EFEMP1: variants seen among roughly 807,000 people sequenced by gnomAD.
EFEMP1 encodes EGF-containing fibulin-like extracellular matrix protein 1.
EFEMP1 carries 18 observed loss-of-function variants against 65.7 expected under a neutral mutation model. The ratio of observed to expected loss-of-function variants is 0.27; its 90% confidence interval spans 0.19 to 0.41. The LOEUF (loss-of-function observed/expected upper bound fraction) is 0.41. Among genes scored for constraint, EFEMP1 ranks in the 10% least tolerant of loss-of-function variants. The pLI is 1.00. For missense variants in EFEMP1, 469 were observed against 624.8 expected (o/e 0.75, Z 2.66); for synonymous variants, 237 against 219.7 (o/e 1.08, Z -0.70).
chr2:55,903,736 C>A (rs1307371521), intron 5 of EFEMP1, among the ~76,000 whole-genome samples: 1 of 152,068 alleles, frequency 6.6e-6, no homozygotes, highest in East Asian at 1.9e-4. Context: ...TTTCTATTTT[C>A]CTTCATCAGT....
chr2:55,920,130 G>A (rs1247890651), intron 3 of EFEMP1, among the ~76,000 whole-genome samples: 1 of 152,108 alleles, frequency 6.6e-6, no homozygotes, highest in African/African-American at 2.4e-5. Flanking sequence ...TTGGTCTCAG[G>A]TGCTTTCAGC....
Position 55,917,578 on chromosome 2 carries a change from G to A in EFEMP1, c.517+87C>T. The A allele has an allele frequency of 1.3e-6, 2 of 1,551,244 alleles. No individual in the cohort carries two copies. The highest frequency in any genetic ancestry group is 2.2e-5 in the South Asian group (2 of 89,048). ...ACTTAGCATGATGTCTGGCACGCGAGAAGTCCTTAATAAATTATCATCATC... is the reference window on the plus strand; with the variant it reads ...ACTTAGCATGATGTCTGGCACGCGAAAAGTCCTTAATAAATTATCATCATC... On this transcript the variant is annotated intron_variant, in intron 5 of 11. Coordinates refer to ENST00000355426, the MANE Select transcript of EFEMP1 (RefSeq NM_001039348.3). This position sits in a 1 kb window ranked among gnomAD's most constrained non-coding sequence, Gnocchi z 6.3.
chr2:55,923,214 T>C lies in EFEMP1; in HGVS notation c.-48-275A>G, dbSNP rs17278890. ...TTATCAGTCTGGGTCCCCGACACGC[T>C]ACCTTCGGTTTCAGGCTGCCTAGGA... On this transcript the variant is annotated intron_variant, in intron 1 of 11. Transcript: ENST00000355426. This position sits in a 1 kb window ranked among gnomAD's most constrained non-coding sequence, Gnocchi z 5.3. 0.053 allele frequency among the ~76,000 whole-genome samples: 8,092 copies of C among 152,234 alleles called. 305 individuals carry two copies. The highest frequency in any genetic ancestry group is 0.11 in the Middle Eastern group (32 of 294).
chr2:55,911,374 T>C (rs1670477966), intron 5 of EFEMP1, among the ~76,000 whole-genome samples: 1 of 152,114 alleles, frequency 6.6e-6, no homozygotes, highest in South Asian at 2.1e-4. Context: ...TGCCCTCTGA[T>C]TTATATAGCA....
chr2:55,890,027 A>G (rs1202336650), intron 5 of EFEMP1, among the ~76,000 whole-genome samples: 1 of 152,064 alleles, frequency 6.6e-6, no homozygotes, highest in Non-Finnish European at 1.5e-5. Flanking sequence ...TGCACTCACT[A>G]AAAACCAAAA....
intron 5 of EFEMP1, among the ~76,000 whole-genome samples, chr2:55,904,985 C>CTTTTTTTT (rs1168768201): frequency 6.5e-4 from 15 of 23,186 alleles, no homozygotes; most frequent in South Asian, 4.3e-3. Context: ...TTTTCTTTTT[C>CTTTTTTTT]TTTTTTTTTT....
chr2:55,870,634 T>C lies in EFEMP1; in HGVS notation c.1320+86A>G. The C allele has an allele frequency of 6.5e-7, 1 of 1,532,056 alleles. No individual in the cohort carries two copies. Among genetic ancestry groups the C allele is most frequent in the Non-Finnish European group, 9.0e-7 (1 of 1,111,972 alleles). 94.9% of individuals were successfully genotyped at this position (1,532,056 alleles called of 1,614,324 possible). On this transcript the variant is annotated intron_variant, in intron 11 of 11. Coordinates refer to ENST00000355426, the MANE Select transcript of EFEMP1 (RefSeq NM_001039348.3). The surrounding 1 kb of genome is among the most constrained non-coding windows in gnomAD (Gnocchi z 5.8). ...TAAATGTTTGCTTTCCTTCCACATG[T>C]GGATACCACACAACAACAACAACAA...
Position 55,873,125 on chromosome 2 carries a change from GA to G in EFEMP1, c.1000+1820del, listed in dbSNP as rs1384511280. Reference sequence around the variant, plus strand: ...ACAGTTTTCATTTGTATAGGCCTGTGAAATGAGAACAGTTATTTCATCCACA... The same window carrying G: ...ACAGTTTTCATTTGTATAGGCCTGTGAATGAGAACAGTTATTTCATCCACA... On this transcript the variant is annotated intron_variant, in intron 9 of 11. Coordinates refer to ENST00000355426, the MANE Select transcript of EFEMP1 (RefSeq NM_001039348.3). This position sits in a 1 kb window ranked among gnomAD's most constrained non-coding sequence, Gnocchi z 4.6. Among the ~76,000 whole-genome samples, 1 of 148,522 alleles carries G rather than the reference GA, an allele frequency of 6.7e-6. No individual in the cohort carries two copies. Among genetic ancestry groups the G allele is most frequent in the African/African-American group, 2.5e-5 (1 of 39,874 alleles).
chr2:55,882,047 C>T (rs1669261720), intron 5 of EFEMP1, among the ~76,000 whole-genome samples: 1 of 152,104 alleles, frequency 6.6e-6, no homozygotes, highest in African/African-American at 2.4e-5. Flanking sequence ...CCATCAGCTA[C>T]CACTGTCTCG....
chr2:55,893,495 G>A (rs563711305), intron 5 of EFEMP1, among the ~76,000 whole-genome samples: 23 of 152,220 alleles, frequency 1.5e-4, no homozygotes, highest in Non-Finnish European at 2.5e-4. Flanking sequence ...GCAACATCAC[G>A]TTTTAGTTAT....
chr2:55,889,193 T>C (rs1669543308), intron 5 of EFEMP1, among the ~76,000 whole-genome samples: 1 of 152,232 alleles, frequency 6.6e-6, no homozygotes, highest in African/African-American at 2.4e-5. Flanking sequence ...ACTATGGCAG[T>C]GCCAATTATA....
chr2:55,880,088 C>T (rs1174828016), intron 6 of EFEMP1, among the ~76,000 whole-genome samples: 1 of 151,952 alleles, frequency 6.6e-6, no homozygotes, highest in Non-Finnish European at 1.5e-5. Flanking sequence ...CACTGTGTGA[C>T]GTGTGTGGGG....
In EFEMP1 at chr2:55,885,051, T is replaced by A. The variant is rs569561960; in HGVS notation, c.518-3317A>T. On this transcript the variant is annotated intron_variant, in intron 5 of 11. Transcript: ENST00000355426. This position sits in a 1 kb window ranked among gnomAD's most constrained non-coding sequence, Gnocchi z 4.3. ...GTATGAAGCAGAGTAACAAGGTATA[T>A]CTGAGAAACACAGCAAAATCAGTAA... Among the ~76,000 whole-genome samples the A allele has an allele frequency of 6.6e-6, 1 of 152,194 alleles. No homozygotes were observed. The highest frequency in any genetic ancestry group is 2.1e-4 in the South Asian group (1 of 4,832).
chr2:55,884,344 G>A (rs946565744), intron 5 of EFEMP1, among the ~76,000 whole-genome samples: 4 of 152,186 alleles, frequency 2.6e-5, no homozygotes, highest in African/African-American at 7.2e-5. Context: ...GTTAAATTCC[G>A]TTATGTTTGG....
At chr2:55,894,874 G>A (rs1390766273) in intron 5 of EFEMP1, among the ~76,000 whole-genome samples, 1 of 152,180 alleles carries the variant, frequency 6.6e-6, no homozygotes, top group African/African-American at 2.4e-5. Context: ...GATGAATCAC[G>A]TGGCTAGGCT....
Position 55,867,307 on chromosome 2 carries a change from ACCTCCT to A in EFEMP1, c.1321-79_1321-74del. ...TGGAGTTTCTATGCTTTGTTAGTAT[ACCTCCT>A]ATAAGAATTAGGGGGAGAATTTTGA... On this transcript the variant is annotated intron_variant, in intron 11 of 11. Coordinates refer to ENST00000355426, the MANE Select transcript of EFEMP1 (RefSeq NM_001039348.3). The surrounding 1 kb of genome is among the most constrained non-coding windows in gnomAD (Gnocchi z 4.3). 6.6e-7 allele frequency: 1 copy of A among 1,507,946 alleles called. No homozygotes were observed. Among genetic ancestry groups the A allele is most frequent in the Non-Finnish European group, 9.0e-7 (1 of 1,107,190 alleles). 93.4% of individuals were successfully genotyped at this position (1,507,946 alleles called of 1,614,324 possible). A position where few individuals can be genotyped will look rare whatever the true frequency, so the allele number is the denominator to read the frequency against.
intron 5 of EFEMP1, among the ~76,000 whole-genome samples, chr2:55,889,674 T>C (rs971144166): frequency 6.6e-6 from 1 of 152,102 alleles, no homozygotes; most frequent in African/African-American, 2.4e-5. Flanking sequence ...AATAATAGCA[T>C]ATATAGTTTG....
chr2:55,874,257 T>C (rs562052905), intron 9 of EFEMP1, among the ~76,000 whole-genome samples: 2 of 152,146 alleles, frequency 1.3e-5, no homozygotes, highest in South Asian at 4.1e-4. Context: ...TTTGGTTTTA[T>C]CTGACAGTCC....
chr2:55,876,555 T>C (rs901291867), intron 8 of EFEMP1, 68 bp downstream of exon 8: 1 of 1,590,926 alleles, frequency 6.3e-7, no homozygotes, highest in African/African-American at 1.3e-5. Flanking sequence ...AATGGGTACA[T>C]AATCAGATAA....
Sources: allele counts gnomAD v4.1 joint callset (sites outside exome capture counted in the v4.1 genomes callset), GRCh38; gene constraint gnomAD v4.1.1; non-coding constraint Gnocchi (gnomAD v3.1); transcripts MANE v1.5; gene names NCBI Gene and HGNC (gene_info 2026-07-23, HGNC 2026-07-21).